The following LYZL4 variants were observed in gnomAD, a reference collection of about 807,000 sequenced individuals.
LYZL4 encodes lysozyme like 4, also known as lysozyme-like protein 4.
Under a neutral mutation model 17.6 loss-of-function variants are expected in LYZL4, and 13 were observed. The observed-to-expected ratio is 0.74, with a 90% CI of 0.48 to 1.18. The LOEUF is 1.18. LYZL4 is among the 50% of genes most tolerant of loss of function. The pLI, the probability that LYZL4 is intolerant of heterozygous loss-of-function variation, is 0.00. For synonymous variants in LYZL4, 64 were observed against 67.7 expected, an observed-to-expected ratio of 0.95 and a Z score of 0.27; for missense variants, 174 against 188.2, an observed-to-expected ratio of 0.92 and a Z score of 0.44.
downstream of LYZL4, among the ~76,000 whole-genome samples, chr3:42,393,089 CT>C (rs1698508039): frequency 2.0e-5 from 3 of 152,124 alleles, no homozygotes; most frequent in African/African-American, 7.2e-5. Context: ...AGGAGGAACA[CT>C]TGCTTCAAAG....
the LYZL4 span, among the ~76,000 whole-genome samples, chr3:42,375,305 T>C: frequency 6.6e-6 from 1 of 152,214 alleles, no homozygotes; most frequent in African/African-American, 2.4e-5. Context: ...GTTGTTATTG[T>C]GACATCCAGC....
At chr3:42,384,604 A>G in the LYZL4 span, among the ~76,000 whole-genome samples, 3 of 152,252 alleles carry the variant, frequency 2.0e-5, no homozygotes, top group South Asian at 4.1e-4. Context: ...ATAAGTACGT[A>G]GGAAACTAAG....
rs201251667 is a variant in LYZL4 at position 42,402,315 on chromosome 3, C to CTTTTTTTTTTTT, written c.371+1730_371+1731insAAAAAAAAAAAA. Among the ~76,000 whole-genome samples, 2 of 136,982 alleles carry CTTTTTTTTTTTT rather than the reference C, an allele frequency of 1.5e-5. 1 individual carries two copies. Among genetic ancestry groups the CTTTTTTTTTTTT allele is most frequent in the African/African-American group, 5.6e-5 (2 of 35,912 alleles). The allele number at this position is 136,982 out of a possible 152,430, so 89.9% of individuals were successfully genotyped here. A position where few individuals can be genotyped will look rare whatever the true frequency, so the allele number is the denominator to read the frequency against. On this transcript the variant is annotated intron_variant, in intron 4 of 4. Coordinates refer to ENST00000287748, the MANE Select transcript of LYZL4 (RefSeq NM_144634.4). ...AGCAAGGCCCCATTTCTTTTCTTTT[C>CTTTTTTTTTTTT]TTTCTTTTTTTTTTTTTGAGATGTC...
At chr3:42,381,896 A>C in the LYZL4 span, among the ~76,000 whole-genome samples, 2 of 152,188 alleles carry the variant, frequency 1.3e-5, no homozygotes, top group African/African-American at 4.8e-5. Context: ...AGTGGATTAC[A>C]CTCTGACTTG....
chr3:42,383,653 A>G, the LYZL4 span, among the ~76,000 whole-genome samples: 1 of 152,118 alleles, frequency 6.6e-6, no homozygotes, highest in Admixed American at 6.5e-5. Context: ...TGTATCATAA[A>G]AAGAAAAAAC....
chr3:42,395,365 C>T (rs1698536294), downstream of LYZL4, among the ~76,000 whole-genome samples: 1 of 152,152 alleles, frequency 6.6e-6, no homozygotes, highest in African/African-American at 2.4e-5. Flanking sequence ...TAATGGAAAG[C>T]TGTGCCGTTG....
chr3:42,404,170 T>G (rs779007235), intron 3 of LYZL4, 46 bp from the exon 4 acceptor site: 1 of 1,332,766 alleles, frequency 7.5e-7, no homozygotes, highest in Admixed American at 1.7e-5. Context: ...CATATGACAG[T>G]TAAGTTAGAG....
intron 4 of LYZL4, among the ~76,000 whole-genome samples, chr3:42,403,829 TG>T (rs897912936): frequency 6.6e-6 from 1 of 152,124 alleles, no homozygotes; most frequent in Non-Finnish European, 1.5e-5. Flanking sequence ...AAACAAGATT[TG>T]GGGGAAAAAA....
chr3:42,369,716 T>C, the LYZL4 span, among the ~76,000 whole-genome samples: 1 of 152,158 alleles, frequency 6.6e-6, no homozygotes, highest in Non-Finnish European at 1.5e-5. Flanking sequence ...AGTGGAATGC[T>C]TTCGACTTGG....
chr3:42,381,375 C>T, the LYZL4 span, among the ~76,000 whole-genome samples: 1 of 152,074 alleles, frequency 6.6e-6, no homozygotes, highest in Non-Finnish European at 1.5e-5. Context: ...CCCCTGCCCC[C>T]CAGGAATGAA....
intron 3 of LYZL4, among the ~76,000 whole-genome samples, chr3:42,405,273 C>T (rs1420646580): frequency 6.6e-6 from 1 of 152,216 alleles, no homozygotes; most frequent in Non-Finnish European, 1.5e-5. Context: ...TGGTCCCGAT[C>T]TCCTGACCTC....
the LYZL4 span, among the ~76,000 whole-genome samples, chr3:42,364,592 G>A: frequency 2.1e-4 from 32 of 151,922 alleles, no homozygotes; most frequent in Admixed American, 1.4e-3. Flanking sequence ...TGATCTGCCC[G>A]CCTCGGTCTC....
At chr3:42,380,609 C>T in the LYZL4 span, among the ~76,000 whole-genome samples, 456 of 152,256 alleles carry the variant, frequency 3.0e-3, 1 homozygote, top group African/African-American at 0.01. Context: ...GGGTGGGGCC[C>T]GGAGACCAGC....
intron 1 of LYZL4, among the ~76,000 whole-genome samples, chr3:42,410,009 G>T (rs1698834223): frequency 1.3e-5 from 2 of 152,070 alleles, no homozygotes; most frequent in African/African-American, 4.8e-5. Context: ...GAACATGACT[G>T]CCCTGACCAC....
intron 4 of LYZL4, among the ~76,000 whole-genome samples, chr3:42,399,715 T>C (rs1030460679): frequency 6.6e-6 from 1 of 152,196 alleles, no homozygotes; most frequent in African/African-American, 2.4e-5. Context: ...ATTTTTCATT[T>C]TTAAAGATAA....
At chr3:42,408,631 A>G (rs560810829) in intron 1 of LYZL4, among the ~76,000 whole-genome samples, 3 of 152,242 alleles carry the variant, frequency 2.0e-5, no homozygotes, top group Non-Finnish European at 2.9e-5. Flanking sequence ...GCAATTGGAA[A>G]TTGGAACTCA....
At chr3:42,396,477 G>A (rs527846282), downstream of LYZL4, among the ~76,000 whole-genome samples, 5 of 152,310 alleles carry the variant, frequency 3.3e-5, no homozygotes, top group East Asian at 9.6e-4. Flanking sequence ...TGAAACAGAT[G>A]TAGGGGAAAA....
chr3:42,376,147 CCATAAAATCAGCT>C, the LYZL4 span, among the ~76,000 whole-genome samples: 2 of 152,162 alleles, frequency 1.3e-5, no homozygotes, highest in Non-Finnish European at 2.9e-5. Flanking sequence ...GAGAGTTAAG[CCATAAAATCAGCT>C]CATTAAGGAA....
chr3:42,361,172 T>A, the LYZL4 span, among the ~76,000 whole-genome samples: 1 of 152,190 alleles, frequency 6.6e-6, no homozygotes, highest in Non-Finnish European at 1.5e-5. Flanking sequence ...ATGTAACATA[T>A]GTGTGTATAT....
Sources: allele counts gnomAD v4.1 joint callset (sites outside exome capture counted in the v4.1 genomes callset), GRCh38; gene constraint gnomAD v4.1.1; transcripts MANE v1.5; gene names NCBI Gene and HGNC (gene_info 2026-07-23, HGNC 2026-07-21).